The following TSC22D1 variants were observed in gnomAD, a reference collection of about 807,000 sequenced individuals.
The protein encoded by TSC22D1 is TSC22 domain family member 1, also known as TSC22 domain family protein 1.
A neutral mutation model predicts 74.2 loss-of-function variants in TSC22D1; 9 were observed. That is an observed-to-expected ratio of 0.12 (90% CI 0.07 to 0.21). TSC22D1 has a LOEUF of 0.21. TSC22D1 is among the 10% of genes least tolerant of loss of function. The pLI is 1.00. For synonymous variants in TSC22D1, 586 were observed against 492.5 expected (o/e 1.19, Z -2.51); for missense variants, 1,427 against 1,304.7 (o/e 1.09, Z -1.44).
chr13:44,560,181 G>A (rs1882946246), intron 1 of TSC22D1, among the ~76,000 whole-genome samples: 1 of 152,004 alleles, frequency 6.6e-6, no homozygotes, highest in Non-Finnish European at 1.5e-5. Context: ...TGTAATCCCA[G>A]CACTTTGAGA....
chr13:44,490,617 G>A (rs998503141), intron 1 of TSC22D1, among the ~76,000 whole-genome samples: 1 of 152,030 alleles, frequency 6.6e-6, no homozygotes, highest in African/African-American at 2.4e-5. Flanking sequence ...GAATATATAG[G>A]CTGGGCATAG....
At chr13:44,543,552 G>C (rs1053380241) in intron 1 of TSC22D1, among the ~76,000 whole-genome samples, 2 of 152,162 alleles carry the variant, frequency 1.3e-5, no homozygotes, top group Non-Finnish European at 2.9e-5. Flanking sequence ...ATTCCTCTAA[G>C]TATCCAAAAC....
chr13:44,558,897 T>C (rs904405680), intron 1 of TSC22D1, among the ~76,000 whole-genome samples: 3 of 152,180 alleles, frequency 2.0e-5, no homozygotes, highest in Admixed American at 6.5e-5. Context: ...CTCATTTCCA[T>C]CTCCTCTTTC....
chr13:44,555,536 G>A (rs978063618), intron 1 of TSC22D1, among the ~76,000 whole-genome samples: 1 of 152,136 alleles, frequency 6.6e-6, no homozygotes, highest in Non-Finnish European at 1.5e-5. Context: ...AACCCACGAG[G>A]TGGAGGTTGC....
intron 1 of TSC22D1, among the ~76,000 whole-genome samples, chr13:44,563,038 A>C (rs555095821): frequency 3.9e-5 from 6 of 152,102 alleles, no homozygotes; most frequent in African/African-American, 1.4e-4. Context: ...CGCGAGGGGA[A>C]GGTTGCAATG....
intron 1 of TSC22D1, among the ~76,000 whole-genome samples, chr13:44,493,845 A>C (rs1356817801): frequency 6.6e-6 from 1 of 152,210 alleles, no homozygotes; most frequent in Non-Finnish European, 1.5e-5. Context: ...CAGGTATTCA[A>C]GGCCATCTGT....
Position 44,573,828 on chromosome 13 carries a change from A to T in TSC22D1, c.2247T>A (p.Val749=). The change falls in exon 1 of 3, where the codon GTT becomes GTA. Residue 749 remains valine, a synonymous_variant. Coordinates refer to ENST00000458659, the MANE Select transcript of TSC22D1 (RefSeq NM_183422.4). ...PTAVQQPSTQ[V]PPSVIQQGAP... is the part of the protein sequence containing the mutation. ...CACCCTGCTGAATAACTGAAGGTGG[A>T]ACCTGGGTAGAGGGCTGCTGCACTG... is the stretch of plus-strand genomic sequence containing the variant. 1.9e-6 allele frequency: 3 copies of T among 1,614,210 alleles called. No individual in the cohort carries two copies. The highest frequency in any genetic ancestry group is 2.5e-6 in the Non-Finnish European group (3 of 1,180,018).
At chr13:44,513,933 AAAC>A (rs1879851737) in intron 1 of TSC22D1, among the ~76,000 whole-genome samples, 1 of 152,234 alleles carries the variant, frequency 6.6e-6, no homozygotes, top group Admixed American at 6.5e-5. Flanking sequence ...CACCAAACTC[AAAC>A]CATGTAGTAG....
intron 1 of TSC22D1, among the ~76,000 whole-genome samples, chr13:44,553,481 A>G (rs1435065583): frequency 6.6e-6 from 1 of 152,228 alleles, no homozygotes; most frequent in Non-Finnish European, 1.5e-5. Context: ...TAAAACAAAC[A>G]GCTTAATCCC....
At chr13:44,515,303 T>C (rs1363878747) in intron 1 of TSC22D1, among the ~76,000 whole-genome samples, 1 of 152,056 alleles carries the variant, frequency 6.6e-6, no homozygotes, top group African/African-American at 2.4e-5. Context: ...CCTCTACAAC[T>C]ATTTTTTTTT....
chr13:44,509,309 T>C (rs1196121965), intron 1 of TSC22D1, among the ~76,000 whole-genome samples: 2 of 152,246 alleles, frequency 1.3e-5, no homozygotes, highest in East Asian at 3.9e-4. Flanking sequence ...TGCACAACAA[T>C]GTGAATATAC....
intron 1 of TSC22D1, among the ~76,000 whole-genome samples, chr13:44,447,322 A>G (rs1461991882): frequency 6.6e-6 from 1 of 152,202 alleles, no homozygotes; most frequent in Non-Finnish European, 1.5e-5. Context: ...TTAAACTAAA[A>G]GAAAAAAGGG....
chr13:44,522,921 C>T (rs560409229), intron 1 of TSC22D1, among the ~76,000 whole-genome samples: 2 of 151,588 alleles, frequency 1.3e-5, no homozygotes, highest in South Asian at 4.2e-4. Flanking sequence ...TTGTCAAACA[C>T]ATCTTATAAA....
Position 44,433,768 on chromosome 13 carries a change from G to A in TSC22D1, c.*858C>T. 1.9e-6 allele frequency: 1 copy of A among 520,842 alleles called. No individual in the cohort carries two copies. Among genetic ancestry groups the A allele is most frequent in the Non-Finnish European group, 3.3e-6 (1 of 302,970 alleles). The allele number at this position is 520,842 out of a possible 1,614,324, so 32.3% of individuals were successfully genotyped here. A position where few individuals can be genotyped will look rare whatever the true frequency, so the allele number is the denominator to read the frequency against. On this transcript the variant is annotated 3_prime_UTR_variant, in exon 3 of 3. Transcript: ENST00000458659. ...TTTACTTCAGCGTATTCAGCAGCTA[G>A]ATTTCAGATTACACAAAGTGAGTAA...
chr13:44,507,725 A>G (rs891910348), intron 1 of TSC22D1, among the ~76,000 whole-genome samples: 1 of 152,192 alleles, frequency 6.6e-6, no homozygotes, highest in Non-Finnish European at 1.5e-5. Context: ...GATTCCCAAG[A>G]CTTCAAAGAA....
At chr13:44,533,126 A>T (rs1880945977) in intron 1 of TSC22D1, among the ~76,000 whole-genome samples, 1 of 152,180 alleles carries the variant, frequency 6.6e-6, no homozygotes, top group Non-Finnish European at 1.5e-5. Flanking sequence ...TTTTCAAGTA[A>T]AAATGGCATG....
At chr13:44,555,119 A>T (rs559206456) in intron 1 of TSC22D1, among the ~76,000 whole-genome samples, 246 of 127,450 alleles carry the variant, frequency 1.9e-3, no homozygotes, top group African/African-American at 7.3e-3. Context: ...CCTCTAAATT[A>T]AAAAAAAAAA....
At chr13:44,526,289 G>T (rs1472115599) in intron 1 of TSC22D1, among the ~76,000 whole-genome samples, 1 of 151,840 alleles carries the variant, frequency 6.6e-6, no homozygotes, top group Non-Finnish European at 1.5e-5. Context: ...AAAAAGTAGA[G>T]AACATGTTAA....
chr13:44,572,440 C>CTT (rs1384628247), intron 1 of TSC22D1, among the ~76,000 whole-genome samples: 3 of 152,276 alleles, frequency 2.0e-5, no homozygotes, highest in Non-Finnish European at 4.4e-5. Context: ...TCCTCCAAGA[C>CTT]TTACTTTCTC....
Sources: gnomAD v4.1 joint callset for allele counts (sites outside exome capture counted in the v4.1 genomes callset) on GRCh38, gnomAD v4.1.1 for gene constraint, MANE v1.5 for transcripts, NCBI Gene and HGNC (gene_info 2026-07-23, HGNC 2026-07-21) for gene names.